PTPRN2: variants seen among roughly 807,000 people sequenced by gnomAD.
The protein encoded by PTPRN2 is protein tyrosine phosphatase receptor type N2, also known as receptor-type tyrosine-protein phosphatase N2.
Under a neutral mutation model 118.8 loss-of-function variants are expected in PTPRN2, and 74 were observed. The ratio of observed to expected loss-of-function variants is 0.62; its 90% CI spans 0.52 to 0.76. PTPRN2 has a LOEUF of 0.76. PTPRN2 is among the 30% of genes least tolerant of loss of function. PTPRN2 has a pLI of 0.00. For synonymous variants in PTPRN2, 641 were observed against 608.0 expected (o/e 1.05, Z -0.80); for missense variants, 1,481 against 1,394.4 (o/e 1.06, Z -0.99).
chr7:158,305,424 G>T (rs1202053616), intron 3 of PTPRN2, among the ~76,000 whole-genome samples: 1 of 152,132 alleles, frequency 6.6e-6, no homozygotes, highest in African/African-American at 2.4e-5. Context: ...GGGAGGTGGA[G>T]AGAGAAAGAG....
At chr7:157,820,421 A>G (rs1449751795) in intron 12 of PTPRN2, among the ~76,000 whole-genome samples, 1 of 151,016 alleles carries the variant, frequency 6.6e-6, no homozygotes, top group African/African-American at 2.4e-5. Flanking sequence ...TCACACATGC[A>G]CTCCACACAC....
chr7:158,048,988 CGTT>C (rs368286392), intron 11 of PTPRN2, among the ~76,000 whole-genome samples: 1 of 108,058 alleles, frequency 9.3e-6, no homozygotes, highest in Non-Finnish European at 2.0e-5. Flanking sequence ...CTATCATCAT[CGTT>C]ATTACCATCA....
At chr7:157,557,151 A>G (rs1478206208) in intron 21 of PTPRN2, among the ~76,000 whole-genome samples, 1 of 150,966 alleles carries the variant, frequency 6.6e-6, no homozygotes, top group East Asian at 2.0e-4. Flanking sequence ...ATATATACTC[A>G]CATGCATGCA....
At chr7:158,221,386 G>T (rs528726663) in intron 3 of PTPRN2, among the ~76,000 whole-genome samples, 1 of 151,534 alleles carries the variant, frequency 6.6e-6, no homozygotes, top group Non-Finnish European at 1.5e-5. Flanking sequence ...AAACCAAAGC[G>T]CTTCTGAACA....
At chr7:158,085,011 C>A (rs1585383420) in intron 10 of PTPRN2, among the ~76,000 whole-genome samples, 1 of 134,770 alleles carries the variant, frequency 7.4e-6, no homozygotes, top group Admixed American at 7.3e-5. Context: ...ACTCCGACAC[C>A]CATCCACACC....
Position 158,137,607 on chromosome 7 carries a change from C to T in PTPRN2, c.1132+687G>A, listed in dbSNP as rs185853895. Among the ~76,000 whole-genome samples, 5 of 152,166 alleles carry T rather than the reference C, an allele frequency of 3.3e-5. No individual in the cohort carries two copies. In the East Asian group the frequency reaches 7.8e-4, roughly 24 times the overall value. ...GGCGACCACCTAACACAGGCCCTCC[C>T]GGGGTGCAGTTCCACTACTCCCCTG... On this transcript the variant is annotated intron_variant, in intron 7 of 22. Coordinates refer to ENST00000389418, the MANE Select transcript of PTPRN2 (RefSeq NM_002847.5).
intron 1 of PTPRN2, among the ~76,000 whole-genome samples, chr7:158,580,992 G>A (rs1417213053): frequency 6.6e-6 from 1 of 152,162 alleles, no homozygotes; most frequent in African/African-American, 2.4e-5. Flanking sequence ...ATCCCCTGCT[G>A]GTGCCAAAGA....
In PTPRN2 at chr7:157,610,087, G is replaced by A. The variant is rs1365897666; in HGVS notation, c.2345-6012C>T. 6.6e-6 allele frequency among the ~76,000 whole-genome samples: 1 copy of A among 152,182 alleles called. No homozygotes were observed. Reference sequence around the variant, plus strand: ...GGACGGCATTCCCCCAGGCCTCCTGGCTTGCTGTCCACACTCAGGAAGCTG... The same window carrying A: ...GGACGGCATTCCCCCAGGCCTCCTGACTTGCTGTCCACACTCAGGAAGCTG... On this transcript the variant is annotated intron_variant, in intron 15 of 22. Coordinates refer to ENST00000389418, the MANE Select transcript of PTPRN2 (RefSeq NM_002847.5). The surrounding 1 kb of genome is among the most constrained non-coding windows in gnomAD (Gnocchi z 5.1).
intron 2 of PTPRN2, among the ~76,000 whole-genome samples, chr7:158,423,002 T>C (rs931025500): frequency 2.0e-5 from 3 of 152,162 alleles, no homozygotes; most frequent in Non-Finnish European, 4.4e-5. Flanking sequence ...CCCACGCCAG[T>C]TTCCCAGATA....
intron 12 of PTPRN2, among the ~76,000 whole-genome samples, chr7:157,851,852 C>T (rs1809299229): frequency 6.6e-6 from 1 of 152,256 alleles, no homozygotes. Flanking sequence ...GGCACAAAGC[C>T]TCAGCGCTCC....
rs201037403 is a variant in PTPRN2, at chr7:157,790,179, A to G, written c.1789-107242T>C. Among the ~76,000 whole-genome samples the G allele has an allele frequency of 1.5e-4, 12 of 80,858 alleles. No individual in the cohort carries two copies. In the East Asian group the frequency reaches 4.4e-3, roughly 29 times the overall value. 53.0% of individuals were successfully genotyped at this position (80,858 alleles called of 152,430 possible). A position where few individuals can be genotyped will look rare whatever the true frequency, so the allele number is the denominator to read the frequency against. On this transcript the variant is annotated intron_variant, in intron 12 of 22. Transcript: ENST00000389418. The stretch of plus-strand genomic sequence containing the variant: ...TGAATGTGGTGTGTGTGGTGTGTGT[A>G]TGGTGGTGTGTGTGTGTGGTGCGTG...
intron 11 of PTPRN2, among the ~76,000 whole-genome samples, chr7:157,981,538 G>A (rs1285524136): frequency 6.6e-6 from 1 of 152,140 alleles, no homozygotes; most frequent in African/African-American, 2.4e-5. Flanking sequence ...GTTTTAAAAG[G>A]AGCTTTTCCC....
intron 1 of PTPRN2, among the ~76,000 whole-genome samples, chr7:158,498,919 T>C (rs1329015254): frequency 1.3e-5 from 2 of 152,330 alleles, no homozygotes; most frequent in East Asian, 3.9e-4. Context: ...TGCTGAGACA[T>C]GGCACACGTG....
chr7:157,931,727 C>T (rs972633713), intron 11 of PTPRN2, among the ~76,000 whole-genome samples: 3 of 151,934 alleles, frequency 2.0e-5, no homozygotes, highest in African/African-American at 7.3e-5. Flanking sequence ...CTTTGGTAAG[C>T]TAAATTGAAT....
intron 1 of PTPRN2, among the ~76,000 whole-genome samples, chr7:158,490,407 T>G (rs1586790101): frequency 6.6e-6 from 1 of 152,178 alleles, no homozygotes; most frequent in African/African-American, 2.4e-5. Flanking sequence ...AGGCAGCGCC[T>G]CAGTCCCCAC....
chr7:158,342,086 G>C (rs1433735301), intron 2 of PTPRN2, among the ~76,000 whole-genome samples: 1 of 129,130 alleles, frequency 7.7e-6, no homozygotes, highest in African/African-American at 3.1e-5. Context: ...CACCAGAAGG[G>C]GTGTCACCTG....
At chr7:157,634,515 G>T (rs1294782097) in intron 14 of PTPRN2, among the ~76,000 whole-genome samples, 3 of 152,190 alleles carry the variant, frequency 2.0e-5, no homozygotes, top group Non-Finnish European at 2.9e-5. Flanking sequence ...TGATGTGCTT[G>T]TCCACAGATG....
In PTPRN2 at chr7:157,671,299, C is replaced by T. The variant is rs1796398324; in HGVS notation, c.2001+11426G>A. ...GTGGGCAACAAGGCCCGCTCTGCACCCAGGCCTGCCTCCATCCAACACAAT... is the reference window on the plus strand; with the variant it reads ...GTGGGCAACAAGGCCCGCTCTGCACTCAGGCCTGCCTCCATCCAACACAAT... On this transcript the variant is annotated intron_variant, in intron 13 of 22. Coordinates refer to ENST00000389418, the MANE Select transcript of PTPRN2 (RefSeq NM_002847.5). This position sits in a 1 kb window ranked among gnomAD's most constrained non-coding sequence, Gnocchi z 4.1. Among the ~76,000 whole-genome samples the T allele has an allele frequency of 1.3e-5, 2 of 152,214 alleles. No individual in the cohort carries two copies.
At chr7:158,055,055 A>G (rs961812364) in intron 11 of PTPRN2, among the ~76,000 whole-genome samples, 25 of 152,220 alleles carry the variant, frequency 1.6e-4, no homozygotes, top group African/African-American at 6.0e-4. Flanking sequence ...AGTGTAATAA[A>G]ATATGTAAAA....
Sources: gnomAD v4.1 joint callset for allele counts (sites outside exome capture counted in the v4.1 genomes callset) on GRCh38, gnomAD v4.1.1 for gene constraint, Gnocchi (gnomAD v3.1) non-coding constraint, MANE v1.5 for transcripts, NCBI Gene and HGNC (gene_info 2026-07-23, HGNC 2026-07-21) for gene names.